NPAS3: variants seen among roughly 807,000 people sequenced by gnomAD.
NPAS3 encodes neuronal PAS domain protein 3, also known as neuronal PAS domain-containing protein 3.
NPAS3 carries 14 observed loss-of-function variants against 73.1 expected under a neutral mutation model. The ratio of observed to expected loss-of-function variants is 0.19; its 90% CI spans 0.13 to 0.30. NPAS3 has a LOEUF of 0.30. Ranked by LOEUF, NPAS3 falls within the 10% of genes least tolerant of loss-of-function variation. NPAS3 has a pLI of 1.00. For missense variants in NPAS3, 1,096 were observed against 1,250.0 expected (o/e 0.88, Z 1.86); for synonymous variants, 620 against 541.5 (o/e 1.14, Z -2.01).
intron 1 of NPAS3, among the ~76,000 whole-genome samples, chr14:32,958,232 T>C (rs1258273657): frequency 6.6e-6 from 1 of 152,188 alleles, no homozygotes; most frequent in Non-Finnish European, 1.5e-5. Context: ...CCCAAATAAC[T>C]GAATGCTTCC....
intron 4 of NPAS3, among the ~76,000 whole-genome samples, chr14:33,531,655 G>A (rs151088215): frequency 0.029 from 4,460 of 152,178 alleles, 112 homozygotes; most frequent in South Asian, 0.047. Flanking sequence ...ACAGATTTTT[G>A]TGTGAACATA....
chr14:33,219,329 T>A (rs2047338356), intron 3 of NPAS3, among the ~76,000 whole-genome samples: 1 of 152,226 alleles, frequency 6.6e-6, no homozygotes, highest in Non-Finnish European at 1.5e-5. Context: ...TTCAGTCAAT[T>A]TTAAGAGTCT....
At chr14:33,044,898 C>T (rs912844314) in intron 1 of NPAS3, among the ~76,000 whole-genome samples, 9 of 152,174 alleles carry the variant, frequency 5.9e-5, no homozygotes, top group African/African-American at 2.2e-4. Context: ...TTATCAGCCT[C>T]AGGTGAGTGG....
chr14:33,559,514 G>A (rs1212669840), intron 4 of NPAS3, among the ~76,000 whole-genome samples: 1 of 151,792 alleles, frequency 6.6e-6, no homozygotes, highest in Admixed American at 6.6e-5. Context: ...AGTAACCACT[G>A]AATCCAAAAA....
intron 2 of NPAS3, among the ~76,000 whole-genome samples, chr14:33,090,043 C>T (rs572746895): frequency 6.6e-6 from 1 of 152,284 alleles, no homozygotes; most frequent in African/African-American, 2.4e-5. Context: ...ACTGCAAAAA[C>T]ATGTCAAAAT....
At chr14:33,750,367 G>A (rs936699842) in intron 7 of NPAS3, among the ~76,000 whole-genome samples, 4 of 152,096 alleles carry the variant, frequency 2.6e-5, no homozygotes, top group Non-Finnish European at 5.9e-5. Flanking sequence ...AAAATGGAGA[G>A]ATTTATTACT....
At chr14:33,304,548 A>G (rs956859458) in intron 3 of NPAS3, among the ~76,000 whole-genome samples, 11 of 151,942 alleles carry the variant, frequency 7.2e-5, no homozygotes, top group African/African-American at 2.4e-4. Context: ...TTTTCTAAAC[A>G]TAAGAAATTT....
intron 5 of NPAS3, among the ~76,000 whole-genome samples, chr14:33,609,689 T>C (rs1040745679): frequency 2.0e-5 from 3 of 152,110 alleles, no homozygotes; most frequent in African/African-American, 7.2e-5. Context: ...CCATTTGAAA[T>C]TAGCCTTTGT....
At chr14:33,047,628 T>C (rs990062333) in intron 1 of NPAS3, among the ~76,000 whole-genome samples, 2 of 152,242 alleles carry the variant, frequency 1.3e-5, no homozygotes, top group African/African-American at 2.4e-5. Flanking sequence ...ACAAGCCTAG[T>C]AGATGGTCAT....
rs575024574 is a variant in NPAS3 at position 33,167,606 on chromosome 14, GATAA to G, written c.141-47572_141-47569del. 2.6e-3 allele frequency among the ~76,000 whole-genome samples: 401 copies of G among 152,208 alleles called. 2 individuals are homozygous for G. The highest frequency in any genetic ancestry group is 9.2e-3 in the African/African-American group (382 of 41,526). ...GAAAATAGAAGATAATACTAATTTT[GATAA>G]ATATAGATTTATGTATTTATAAATG... is the stretch of plus-strand genomic sequence containing the variant. On this transcript the variant is annotated intron_variant, in intron 2 of 11. Transcript: ENST00000356141.
intron 2 of NPAS3, among the ~76,000 whole-genome samples, chr14:33,073,911 A>G (rs940899041): frequency 6.6e-6 from 1 of 152,152 alleles, no homozygotes; most frequent in Non-Finnish European, 1.5e-5. Flanking sequence ...GCACAGGCAT[A>G]GATTGTTTCG....
intron 3 of NPAS3, among the ~76,000 whole-genome samples, chr14:33,327,311 T>C (rs2043753952): frequency 6.6e-6 from 1 of 152,248 alleles, no homozygotes; most frequent in South Asian, 2.1e-4. Flanking sequence ...ATGTACGTGA[T>C]CTTATTTAAT....
intron 3 of NPAS3, among the ~76,000 whole-genome samples, chr14:33,327,211 T>G (rs961850433): frequency 4.6e-5 from 7 of 152,226 alleles, no homozygotes; most frequent in Admixed American, 1.3e-4. Context: ...CTTTCCTCAT[T>G]CAATGTTAGA....
At chr14:33,242,821 T>C (rs1394390255) in intron 3 of NPAS3, among the ~76,000 whole-genome samples, 2 of 152,142 alleles carry the variant, frequency 1.3e-5, no homozygotes, top group Non-Finnish European at 2.9e-5. Flanking sequence ...TCTAAGACAA[T>C]ATGCTACAAA....
intron 9 of NPAS3, among the ~76,000 whole-genome samples, chr14:33,779,701 C>A (rs1394672197): frequency 2.6e-5 from 4 of 152,184 alleles, no homozygotes; most frequent in Non-Finnish European, 2.9e-5. Flanking sequence ...TTAGCCTATA[C>A]CATATAGCCC....
At chr14:33,707,810 C>G (rs988249063) in intron 6 of NPAS3, among the ~76,000 whole-genome samples, 2 of 152,114 alleles carry the variant, frequency 1.3e-5, no homozygotes, top group African/African-American at 4.8e-5. Context: ...CCCCATAGGT[C>G]AGGGTGTCGG....
In NPAS3 at chr14:33,597,664, G is replaced by C. The variant is rs147357679; in HGVS notation, c.558+37454G>C. ...CATTCCCAGAGGGCAGCAGTTACTC[G>C]AGAGTGGGAAGGCTGTGTCTAGGCA... is the stretch of plus-strand genomic sequence containing the variant. On this transcript the variant is annotated intron_variant, in intron 5 of 11. Coordinates refer to ENST00000356141, the Ensembl canonical transcript of NPAS3. Among the ~76,000 whole-genome samples, 572 of 152,332 alleles carry C rather than the reference G, an allele frequency of 3.8e-3. 2 individuals are homozygous for C. The highest frequency in any genetic ancestry group is 0.013 in the African/African-American group (540 of 41,582).
rs545718995 is a variant in NPAS3 at position 33,151,070 on chromosome 14, T to G, written c.141-64112T>G. Among the ~76,000 whole-genome samples, 24 of 152,356 alleles carry G rather than the reference T, an allele frequency of 1.6e-4. No individual in the cohort carries two copies. In the East Asian group the frequency reaches 4.4e-3, roughly 28 times the overall value. The stretch of plus-strand genomic sequence containing the variant: ...TTTATTTGTTTTCAACCATTATACT[T>G]AACACCGTGAATCTCTCTGGGAGAA... On this transcript the variant is annotated intron_variant, in intron 2 of 11. Transcript: ENST00000356141.
At chr14:33,147,058 T>C (rs1256234799) in intron 2 of NPAS3, among the ~76,000 whole-genome samples, 3 of 152,198 alleles carry the variant, frequency 2.0e-5, no homozygotes, top group Non-Finnish European at 4.4e-5. Flanking sequence ...TCAGGTTTTT[T>C]TTTTCTTTTC....
Sources: allele counts gnomAD v4.1 joint callset (sites outside exome capture counted in the v4.1 genomes callset), GRCh38; gene constraint gnomAD v4.1.1; transcripts MANE v1.5; gene names NCBI Gene and HGNC (gene_info 2026-07-23, HGNC 2026-07-21).